HERC1: variants seen among roughly 807,000 people sequenced by gnomAD.
HERC1 encodes the protein HECT and RLD domain containing E3 ubiquitin protein ligase family member 1.
HERC1 carries 160 observed loss-of-function variants against 554.3 expected under a neutral mutation model. That is an observed-to-expected ratio of 0.29 (90% CI 0.25 to 0.33). The LOEUF is 0.33. HERC1 is among the 10% of genes least tolerant of loss of function. The probability of loss-of-function intolerance (pLI) is 1.00; values close to 1 mark genes in which losing one functional copy is unlikely to be tolerated. For missense variants in HERC1, 4,919 were observed against 5,918.5 expected (o/e 0.83, Z 5.54); for synonymous variants, 2,175 against 2,131.7 (o/e 1.02, Z -0.56).
At chr15:63,730,553 C>T (rs1004519401) in intron 14 of HERC1, among the ~76,000 whole-genome samples, 1 of 152,086 alleles carries the variant, frequency 6.6e-6, no homozygotes, top group Admixed American at 6.5e-5. Flanking sequence ...GGGTCAGAAA[C>T]TGCTATAAAG....
chr15:63,638,538 T>C lies in HERC1; in HGVS notation c.11968-2A>G. On this transcript the variant is annotated splice_acceptor_variant, in intron 62 of 77. Transcript: ENST00000443617. LOFTEE classifies it high-confidence loss of function. ...ACATTTACCTCCCAGGTGCCAGTCC[T>C]AGAAAACCACAATCATCTCAAAATT... The C allele has an allele frequency of 6.2e-7, 1 of 1,613,792 alleles. No homozygotes were observed. The highest frequency in any genetic ancestry group is 8.5e-7 in the Non-Finnish European group (1 of 1,179,774).
At chr15:63,651,518 ATTT>A in intron 52 of HERC1, 138 bp from the exon 53 acceptor site, 1 of 748,790 alleles carries the variant, frequency 1.3e-6, no homozygotes, top group Non-Finnish European at 2.2e-6. Context: ...GGCTAGCAGT[ATTT>A]AACAGTTACA....
Position 63,680,679 on chromosome 15 carries a change from A to T in HERC1, c.6323T>A (p.Met2108Lys). Residue 2108 changes from methionine (M) to lysine (K), a missense_variant, in exon 35 of 78, where the codon ATG becomes AAG. By Grantham distance (95) the Met-to-Lys change is moderately conservative (BLOSUM62 -1). Transcript: ENST00000443617. The surrounding 1 kb of genome is among the most constrained non-coding windows in gnomAD (Gnocchi z 5.8). ...ACCACTGTAGGCCCTATAGAGCCAC[A>T]TATCCGAGGTAGTGCGGTGATTAAA... ...HDFNHRTTSD[M>K]WLYRAYSGNL... 3.1e-6 allele frequency: 5 copies of T among 1,613,924 alleles called. No homozygotes were observed. Among genetic ancestry groups the T allele is most frequent in the Non-Finnish European group, 4.2e-6 (5 of 1,179,806 alleles).
chr15:63,800,933 T>G (rs1198501828), intron 1 of HERC1, among the ~76,000 whole-genome samples: 1 of 152,140 alleles, frequency 6.6e-6, no homozygotes, highest in East Asian at 1.9e-4. Context: ...CCACCAGACC[T>G]CAAGGGAGAG....
intron 56 of HERC1, 87 bp downstream of exon 56, chr15:63,645,396 A>C (rs1471320570): frequency 3.1e-6 from 3 of 957,042 alleles, no homozygotes; most frequent in Non-Finnish European, 4.6e-6. Context: ...TAAACTCTTT[A>C]AGACTACTGA....
At chr15:63,737,288 A>C (rs1295079737) in intron 12 of HERC1, among the ~76,000 whole-genome samples, 1 of 149,882 alleles carries the variant, frequency 6.7e-6, no homozygotes, top group Non-Finnish European at 1.5e-5. Flanking sequence ...AATAATAAGG[A>C]GTTCCAGAGA....
intron 24 of HERC1, among the ~76,000 whole-genome samples, chr15:63,708,368 T>C (rs776146679): frequency 4.6e-5 from 7 of 152,204 alleles, no homozygotes; most frequent in Non-Finnish European, 1.0e-4. Context: ...CCACAGGATA[T>C]GGGCCAAGAT....
Position 63,718,558 on chromosome 15 carries a change from TG to T in HERC1, c.3978+15del, listed in dbSNP as rs1280210015. On this transcript the variant is annotated intron_variant, in intron 21 of 77. Transcript: ENST00000443617. The surrounding 1 kb of genome is among the most constrained non-coding windows in gnomAD (Gnocchi z 4.2). Reference sequence around the variant, plus strand: ...CTTGCAGAAAAACATAGAAATTAATTGATTTCAAACTTTACCCATCTGTCCC... The same window carrying T: ...CTTGCAGAAAAACATAGAAATTAATTATTTCAAACTTTACCCATCTGTCCC... 6.5e-7 allele frequency: 1 copy of T among 1,533,368 alleles called. No homozygotes were observed. The highest frequency in any genetic ancestry group is 8.8e-7 in the Non-Finnish European group (1 of 1,133,896). 95.0% of individuals were successfully genotyped at this position (1,533,368 alleles called of 1,614,324 possible). A position where few individuals can be genotyped will look rare whatever the true frequency, so the allele number is the denominator to read the frequency against.
Position 63,694,476 on chromosome 15 carries a change from C to G in HERC1, c.5316G>C (p.Leu1772Phe). 6.2e-7 allele frequency: 1 copy of G among 1,613,848 alleles called. No individual in the cohort carries two copies. The highest frequency in any genetic ancestry group is 1.1e-5 in the South Asian group (1 of 91,072). The change falls in exon 29 of 78, where the codon TTG becomes TTC. Residue 1772 changes from leucine to phenylalanine, a missense_variant. Around this residue, in one of 11 missense-constraint regions of HERC1, gnomAD observed 1,121 missense variants for 1,244.0 expected, o/e 0.90. Transcript: ENST00000443617. This position sits in a 1 kb window ranked among gnomAD's most constrained non-coding sequence, Gnocchi z 4.3. The stretch of plus-strand genomic sequence containing the variant: ...CGTTTAGCAGACCAGTGGAAATTGC[C>G]AAAGAAACATCTACTGGTTGATAAT... ...SVHYQPVDVS[L>F]AISTGLLNVL... is the part of the protein sequence containing the mutation.
intron 76 of HERC1, among the ~76,000 whole-genome samples, chr15:63,615,458 A>G (rs150203913): frequency 9.9e-5 from 15 of 152,266 alleles, no homozygotes; most frequent in African/African-American, 3.6e-4. Context: ...AAAAATAAAA[A>G]GATTAGCTAG....
chr15:63,767,554 CG>C (rs1378645467), intron 2 of HERC1, among the ~76,000 whole-genome samples: 2 of 151,996 alleles, frequency 1.3e-5, no homozygotes, highest in Non-Finnish European at 2.9e-5. Flanking sequence ...AAATTTTAGC[CG>C]GGCGTGGTGG....
In HERC1 at chr15:63,774,894, G is replaced by C; in HGVS notation, c.730C>G (p.Arg244Gly). The part of the protein sequence containing the change: ...IPNSGADTLG[R>G]RLASELLLGL... ...AGCAGCAACTCAGAAGCTAATCTAC[G>C]ACCTAAAGTGTCTGCCCCAGAATTA... Residue 244 changes from arginine to glycine, a missense_variant, in exon 2 of 78, where the codon CGT (arginine) becomes GGT (glycine). Around this residue, in one of 11 missense-constraint regions of HERC1, gnomAD observed 744 missense variants for 1,090.0 expected, o/e 0.68. Coordinates refer to ENST00000443617, the MANE Select transcript of HERC1 (RefSeq NM_003922.4). The C allele has an allele frequency of 1.2e-6, 2 of 1,613,954 alleles. No homozygotes were observed. Among genetic ancestry groups the C allele is most frequent in the Non-Finnish European group, 1.7e-6 (2 of 1,179,880 alleles).
intron 36 of HERC1, 55 bp from the exon 37 acceptor site, chr15:63,678,420 C>G: frequency 2.7e-6 from 4 of 1,480,472 alleles, no homozygotes; most frequent in Non-Finnish European, 3.6e-6. Context: ...TCTTCTTAGT[C>G]ACTATAAATT....
At chr15:63,811,508 G>A (rs965360383) in intron 1 of HERC1, among the ~76,000 whole-genome samples, 1 of 152,092 alleles carries the variant, frequency 6.6e-6, no homozygotes, top group African/African-American at 2.4e-5. Context: ...CTGAGCCCCG[G>A]TAACATAAAA....
intron 26 of HERC1, among the ~76,000 whole-genome samples, chr15:63,698,218 C>G (rs1178558997): frequency 6.6e-6 from 1 of 152,036 alleles, no homozygotes; most frequent in Non-Finnish European, 1.5e-5. Flanking sequence ...AAGCTCGAGA[C>G]CAGCCTGGCC....
chr15:63,808,124 CAA>C (rs148179105), intron 1 of HERC1, among the ~76,000 whole-genome samples: 2 of 144,780 alleles, frequency 1.4e-5, no homozygotes. Flanking sequence ...TTCTAGTTGA[CAA>C]AAAAAAAAAA....
intron 77 of HERC1, among the ~76,000 whole-genome samples, chr15:63,611,904 G>A (rs914332466): frequency 1.3e-5 from 2 of 152,336 alleles, no homozygotes; most frequent in Middle Eastern, 3.4e-3. Flanking sequence ...GGCGCAGAGG[G>A]CCAGGCGTGT....
In HERC1 at chr15:63,729,258, G is replaced by C; in HGVS notation, c.3132C>G (p.Gly1044=). ...CACCTCTTAATTTTTCTCCAACACT[G>C]CCATTCCAAGGACTTTCTTTGAGCA... ...ANLLKESPWN[G]SVGEKLRDVI... Residue 1044 remains glycine (G), a synonymous_variant, in exon 16 of 78, where the codon GGC becomes GGG. Coordinates refer to ENST00000443617, the MANE Select transcript of HERC1 (RefSeq NM_003922.4). The C allele has an allele frequency of 1.9e-6, 3 of 1,604,028 alleles. No homozygotes were observed. Among genetic ancestry groups the C allele is most frequent in the Non-Finnish European group, 2.5e-6 (3 of 1,177,212 alleles).
intron 1 of HERC1, among the ~76,000 whole-genome samples, chr15:63,783,572 G>A (rs904524449): frequency 1.3e-5 from 2 of 152,038 alleles, no homozygotes; most frequent in African/African-American, 4.8e-5. Context: ...GCTTTATTGT[G>A]ATTTATTTGC....
Sources: gnomAD v4.1 joint callset for allele counts (sites outside exome capture counted in the v4.1 genomes callset) on GRCh38, gnomAD v4.1.1 for gene constraint, gnomAD v4.1.1 regional missense constraint, Gnocchi (gnomAD v3.1) non-coding constraint, MANE v1.5 for transcripts, NCBI Gene and HGNC (gene_info 2026-07-23, HGNC 2026-07-21) for gene names.